Variants in DLC1 observed in about 807,000 individuals in gnomAD.
DLC1 encodes DLC1 Rho GTPase activating protein, also known as rho GTPase-activating protein 7.
A neutral mutation model predicts 140.3 loss-of-function variants in DLC1; 54 were observed. The ratio of observed to expected loss-of-function variants is 0.38; its 90% confidence interval spans 0.31 to 0.48. DLC1 has a LOEUF of 0.48. DLC1 is among the 20% of genes least tolerant of loss of function. The pLI is 0.96. For missense variants in DLC1, 2,536 were observed against 1,907.0 expected, an observed-to-expected ratio of 1.33 and a Z score of -6.14; for synonymous variants, 986 against 728.1, an observed-to-expected ratio of 1.35 and a Z score of -5.70.
At chr8:13,097,573 T>A (rs965331016) in intron 10 of DLC1, among the ~76,000 whole-genome samples, 39 of 152,046 alleles carry the variant, frequency 2.6e-4, no homozygotes, top group African/African-American at 9.4e-4. Flanking sequence ...CCAAAATGAT[T>A]TCTAAAAACA....
chr8:13,242,633 T>G (rs1436215312), intron 5 of DLC1, among the ~76,000 whole-genome samples: 4 of 152,118 alleles, frequency 2.6e-5, no homozygotes, highest in Admixed American at 1.3e-4. Context: ...GCTCAAGCGA[T>G]TCTCCTACCT....
At chr8:13,146,222 A>T (rs919978644) in intron 5 of DLC1, among the ~76,000 whole-genome samples, 1 of 151,540 alleles carries the variant, frequency 6.6e-6, no homozygotes, top group African/African-American at 2.4e-5. Context: ...CCGAAGTGAG[A>T]CTAGACTGTG....
rs1586266200 is a variant in DLC1 at position 13,393,782 on chromosome 8, T to C, written c.1174-89A>G. ...ACCACCAGAACTTTGTCACTTCTTC[T>C]TTCTCCCAGTGCACACTGATACACT... is the stretch of plus-strand genomic sequence containing the variant. On this transcript the variant is annotated intron_variant, in intron 3 of 17. Transcript: ENST00000276297. 6.2e-6 allele frequency: 9 copies of C among 1,461,516 alleles called. No homozygotes were observed. In the East Asian group the frequency reaches 1.8e-4, roughly 29 times the overall value. 90.5% of individuals were successfully genotyped at this position (1,461,516 alleles called of 1,614,324 possible). A position where few individuals can be genotyped will look rare whatever the true frequency, so the allele number is the denominator to read the frequency against.
Position 13,499,837 on chromosome 8 carries a change from C to T in DLC1, c.235G>A (p.Gly79Ser), listed in dbSNP as rs770714647. 1.2e-6 allele frequency: 2 copies of T among 1,614,012 alleles called. No homozygotes were observed. The highest frequency in any genetic ancestry group is 1.1e-5 in the South Asian group (1 of 91,078). The change falls in exon 2 of 18, where the codon GGT becomes AGT. Residue 79 changes from glycine to serine, a missense_variant. By Grantham distance (56) the Gly-to-Ser change is moderately conservative (BLOSUM62 0). Transcript: ENST00000276297. ...TCGTCCACATCCTTTGAAAGATGAC[C>T]CATTGGCCTCCCAGGAAAATCTCTC... The part of the protein sequence containing the change: ...ELRDFPGRPM[G>S]HLSKDVDEND...
intron 4 of DLC1, among the ~76,000 whole-genome samples, chr8:13,382,334 C>T (rs1836305191): frequency 6.6e-6 from 1 of 150,778 alleles, no homozygotes; most frequent in Non-Finnish European, 1.5e-5. Context: ...GTTGAAACCC[C>T]GTCTCTACTA....
At chr8:13,603,629 A>T (rs1413920442) in intron 1 of DLC1, among the ~76,000 whole-genome samples, 1 of 152,076 alleles carries the variant, frequency 6.6e-6, no homozygotes, top group Non-Finnish European at 1.5e-5. Flanking sequence ...AAATCTCCCC[A>T]GTATAAACGT....
At position 13,110,819 on chromosome 8, in the gene DLC1, G is replaced by T; in HGVS notation, c.1425C>A (p.Phe475Leu). Reference protein sequence around the residue: ...FPQYAQLYEDFLFPIDISLVK... With the variant: ...FPQYAQLYEDLLFPIDISLVK... ...CCAAGGAAATATCGATGGGGAACAG[G>T]AAATCTATGAGAAAAATAAACAGAT... Residue 475 changes from phenylalanine to leucine, a missense_variant, in exon 7 of 18, where the codon TTC (phenylalanine) becomes TTA (leucine). Physicochemically the swap from Phe to Leu is conservative, Grantham distance 22. Transcript: ENST00000276297. 1 of 1,613,938 alleles carries T rather than the reference G, an allele frequency of 6.2e-7. No individual in the cohort carries two copies. The highest frequency in any genetic ancestry group is 8.5e-7 in the Non-Finnish European group (1 of 1,179,970).
chr8:13,364,336 T>C (rs1348501959), intron 4 of DLC1, among the ~76,000 whole-genome samples: 1 of 152,020 alleles, frequency 6.6e-6, no homozygotes, highest in African/African-American at 2.4e-5. Context: ...TCTTGCTCTG[T>C]TGCACAGGTT....
chr8:13,202,381 A>T (rs778752739), intron 5 of DLC1, among the ~76,000 whole-genome samples: 1 of 152,224 alleles, frequency 6.6e-6, no homozygotes. Context: ...CAGATAATTG[A>T]CATATCCATC....
At chr8:13,142,100 C>G (rs539025694) in intron 5 of DLC1, among the ~76,000 whole-genome samples, 11 of 152,174 alleles carry the variant, frequency 7.2e-5, no homozygotes, top group Non-Finnish European at 1.0e-4. Context: ...CATACACAGT[C>G]GCTCCTGCCG....
intron 7 of DLC1, among the ~76,000 whole-genome samples, chr8:13,105,810 T>A (rs1482124086): frequency 6.6e-6 from 1 of 152,112 alleles, no homozygotes; most frequent in African/African-American, 2.4e-5. Flanking sequence ...CCTCCTGAGC[T>A]CAGGCAATCC....
At chr8:13,550,979 TTACTC>T (rs1803825330) in intron 1 of DLC1, among the ~76,000 whole-genome samples, 1 of 151,724 alleles carries the variant, frequency 6.6e-6, no homozygotes, top group African/African-American at 2.4e-5. Context: ...CTCAGTGAGT[TTACTC>T]TACCAATGTG....
intron 5 of DLC1, among the ~76,000 whole-genome samples, chr8:13,200,456 A>T (rs1827317546): frequency 6.6e-6 from 1 of 152,348 alleles, no homozygotes; most frequent in South Asian, 2.1e-4. Context: ...AAAGTGGCAG[A>T]GCTGATTCCT....
In DLC1 at chr8:13,100,395, T is replaced by C. The variant is rs1489725804; in HGVS notation, c.1942A>G (p.Ser648Gly). The C allele has an allele frequency of 2.5e-6, 4 of 1,614,160 alleles. No homozygotes were observed. The highest frequency in any genetic ancestry group is 3.4e-6 in the Non-Finnish European group (4 of 1,180,036). The change falls in exon 9 of 18, where the codon AGC becomes GGC. Residue 648 changes from serine to glycine, a missense_variant. Physicochemically the swap from Ser to Gly is moderately conservative, Grantham distance 56 (BLOSUM62 0). Transcript: ENST00000276297. The stretch of plus-strand genomic sequence containing the variant: ...TGGCCTTTCATGCTGAAGCTGAAGC[T>C]GGACAGTTCCTTGGGAGAGGGCAGG... ...GSLPSPKELS[S>G]FSFSMKGHEK...
intron 5 of DLC1, among the ~76,000 whole-genome samples, chr8:13,122,815 A>AAC (rs1821212655): frequency 6.6e-6 from 1 of 152,040 alleles, no homozygotes; most frequent in Non-Finnish European, 1.5e-5. Context: ...AAAAAAAAAA[A>AAC]AAACAAGAAG....
At chr8:13,176,776 C>T (rs767791234) in intron 5 of DLC1, among the ~76,000 whole-genome samples, 9 of 152,012 alleles carry the variant, frequency 5.9e-5, no homozygotes, top group Non-Finnish European at 1.3e-4. Flanking sequence ...ATCTGCTGAC[C>T]TTCAAATATG....
chr8:13,338,982 T>G (rs1201844835), intron 4 of DLC1, among the ~76,000 whole-genome samples: 1 of 152,168 alleles, frequency 6.6e-6, no homozygotes, highest in Non-Finnish European at 1.5e-5. Context: ...ACATACTGAT[T>G]TGAATTTTTA....
chr8:13,531,800 C>T (rs1458484287), intron 1 of DLC1, among the ~76,000 whole-genome samples: 5 of 152,170 alleles, frequency 3.3e-5, no homozygotes, highest in Admixed American at 3.3e-4. Context: ...CTCACCTCAG[C>T]TATCTCTAAG....
chr8:13,560,883 C>A (rs1366225967), intron 1 of DLC1, among the ~76,000 whole-genome samples: 2 of 151,970 alleles, frequency 1.3e-5, no homozygotes, highest in Non-Finnish European at 2.9e-5. Flanking sequence ...ACAGATCCTC[C>A]CCTCACAACC....
Sources: gnomAD v4.1 joint callset for allele counts (sites outside exome capture counted in the v4.1 genomes callset) on GRCh38, gnomAD v4.1.1 for gene constraint, MANE v1.5 for transcripts, NCBI Gene and HGNC (gene_info 2026-07-23, HGNC 2026-07-21) for gene names.